The following B3GAT1 variants were observed in gnomAD, a reference collection of about 807,000 sequenced individuals.
B3GAT1 encodes galactosylgalactosylxylosylprotein 3-beta-glucuronosyltransferase 1.
B3GAT1 carries 11 observed loss-of-function variants against 28.4 expected under a neutral mutation model. The observed-to-expected ratio is 0.39, with a 90% CI of 0.24 to 0.64. The LOEUF (loss-of-function observed/expected upper bound fraction) is 0.64. Ranked by LOEUF, B3GAT1 falls within the 30% of genes least tolerant of loss-of-function variation. B3GAT1 has a pLI of 0.50. For missense variants in B3GAT1, 375 were observed against 491.0 expected (o/e 0.76, Z 2.23); for synonymous variants, 255 against 223.1 (o/e 1.14, Z -1.27).
At chr11:134,381,802 C>A (rs1944129957) in intron 5 of B3GAT1, 122 bp downstream of exon 5, 7 of 773,150 alleles carry the variant, frequency 9.1e-6, no homozygotes. Context: ...GCCCTCCACT[C>A]CTGCCCACAT....
In B3GAT1 at chr11:134,387,677, C is replaced by T. The variant is rs1363101098; in HGVS notation, c.-18G>A. Reference sequence around the variant, plus strand: ...TTCGGCATCTCCAAGGCTGGCTGCACCCACGGCTCCTCATTACCTGAGTGG... The same window carrying T: ...TTCGGCATCTCCAAGGCTGGCTGCATCCACGGCTCCTCATTACCTGAGTGG... On this transcript the variant is annotated 5_prime_UTR_variant, in exon 2 of 6. The change creates a new upstream start codon in the 5' untranslated region. Coordinates refer to ENST00000312527, the MANE Select transcript of B3GAT1 (RefSeq NM_054025.3). The T allele has an allele frequency of 6.2e-7, 1 of 1,613,606 alleles. No individual in the cohort carries two copies. The highest frequency in any genetic ancestry group is 8.5e-7 in the Non-Finnish European group (1 of 1,179,932).
chr11:134,381,646 G>A (rs550486770), intron 5 of B3GAT1: 29 of 409,472 alleles, frequency 7.1e-5, no homozygotes, highest in South Asian at 5.2e-4. Context: ...GGGTGCAGGC[G>A]TCACTGCCAG....
intron 2 of B3GAT1, chr11:134,385,667 T>C (rs1220316752): frequency 1.3e-5 from 2 of 152,250 alleles, no homozygotes; most frequent in Non-Finnish European, 1.5e-5. Flanking sequence ...TTTGTCCACC[T>C]CTCTGCCACC....
At chr11:134,401,193 A>G (rs551759163) in intron 1 of B3GAT1, among the ~76,000 whole-genome samples, 3 of 152,342 alleles carry the variant, frequency 2.0e-5, no homozygotes, top group Admixed American at 6.5e-5. Flanking sequence ...AGGTTTTCAA[A>G]GAACTTAAAA....
intron 1 of B3GAT1, among the ~76,000 whole-genome samples, chr11:134,410,939 T>C (rs1168241158): frequency 6.6e-6 from 1 of 152,238 alleles, no homozygotes; most frequent in Non-Finnish European, 1.5e-5. Flanking sequence ...GTCCCCTTCC[T>C]GTATGTCCAG....
chr11:134,405,872 T>C (rs1944721854), intron 1 of B3GAT1, among the ~76,000 whole-genome samples: 1 of 152,212 alleles, frequency 6.6e-6, no homozygotes. Context: ...TGGCTACCAA[T>C]GGCCAGCTCC....
In B3GAT1 at chr11:134,387,795, A is replaced by G. The variant is rs541051745; in HGVS notation, c.-136T>C. On this transcript the variant is annotated 5_prime_UTR_variant, in exon 2 of 6. Transcript: ENST00000312527. ...CGGGCCGGCCAGGCATGGAGAGGAC[A>G]GAGCAGCTGAATGTTGGCTAGCAGG... The G allele has an allele frequency of 6.5e-7, 1 of 1,538,708 alleles. No individual in the cohort carries two copies. Among genetic ancestry groups the G allele is most frequent in the African/African-American group, 1.4e-5 (1 of 73,180 alleles).
intron 1 of B3GAT1, among the ~76,000 whole-genome samples, chr11:134,396,147 G>A (rs1023776890): frequency 6.6e-6 from 1 of 152,234 alleles, no homozygotes; most frequent in Non-Finnish European, 1.5e-5. Flanking sequence ...TCCTGGGAGT[G>A]ATGGCCCAAT....
At chr11:134,381,885 C>G (rs1944132193) in intron 5 of B3GAT1, 39 bp downstream of exon 5, 1 of 1,533,752 alleles carries the variant, frequency 6.5e-7, no homozygotes, top group African/African-American at 1.4e-5. Context: ...CCTGGTGCCG[C>G]CCTGCCCAGT....
chr11:134,379,574 A>G lies in B3GAT1; in HGVS notation c.*1188T>C, dbSNP rs1177525000. On this transcript the variant is annotated 3_prime_UTR_variant, in exon 6 of 6. Transcript: ENST00000312527. Reference sequence around the variant, plus strand: ...CTGCATGCTCCTGACTTAGGGAGAAATAACATTTTCTTTCCCTTTTTTGTG... The same window carrying G: ...CTGCATGCTCCTGACTTAGGGAGAAGTAACATTTTCTTTCCCTTTTTTGTG... 1 of 152,334 alleles carries G rather than the reference A, an allele frequency of 6.6e-6. No homozygotes were observed. The highest frequency in any genetic ancestry group is 1.5e-5 in the Non-Finnish European group (1 of 68,070). The allele number at this position is 152,334 out of a possible 1,614,324, so 9.4% of individuals were successfully genotyped here. A position where few individuals can be genotyped will look rare whatever the true frequency, so the allele number is the denominator to read the frequency against.
chr11:134,411,521 T>C lies in B3GAT1; in HGVS notation c.-282+286A>G, dbSNP rs1196552381. The stretch of plus-strand genomic sequence containing the variant: ...ACGACTGAGAGCCCGGGCCGATTGT[T>C]AGAAGCTGCTGAGAACCAGCTCTTC... On this transcript the variant is annotated intron_variant, in intron 1 of 5. Coordinates refer to ENST00000312527, the MANE Select transcript of B3GAT1 (RefSeq NM_054025.3). The surrounding 1 kb of genome is among the most constrained non-coding windows in gnomAD (Gnocchi z 6.0). 2.6e-5 allele frequency among the ~76,000 whole-genome samples: 4 copies of C among 152,148 alleles called. No individual in the cohort carries two copies. Among genetic ancestry groups the C allele is most frequent in the Admixed American group, 1.3e-4 (2 of 15,304 alleles).
intron 1 of B3GAT1, among the ~76,000 whole-genome samples, chr11:134,398,645 C>G: frequency 6.6e-6 from 1 of 150,896 alleles, no homozygotes. Flanking sequence ...TCCCCTTGCA[C>G]TCCTCTGGGC....
At chr11:134,409,250 A>G (rs908084482) in intron 1 of B3GAT1, among the ~76,000 whole-genome samples, 3 of 152,132 alleles carry the variant, frequency 2.0e-5, no homozygotes, top group Admixed American at 2.0e-4. Context: ...GCCTGTCCCC[A>G]CTGCACTTCT....
rs148354644 is a variant in B3GAT1, at chr11:134,396,241, G to A, written c.-281-8301C>T. ...AGGACTGCACGAAGGCATGAGCACC[G>A]GGGGGTGGGGCTTCCAAGGATACCT... On this transcript the variant is annotated intron_variant, in intron 1 of 5. Coordinates refer to ENST00000312527, the MANE Select transcript of B3GAT1 (RefSeq NM_054025.3). Among the ~76,000 whole-genome samples the A allele has an allele frequency of 4.6e-5, 7 of 152,254 alleles. No individual in the cohort carries two copies. The East Asian group carries it at 9.6e-4, about 21-fold the overall frequency.
At chr11:134,396,343 C>T (rs1944504976) in intron 1 of B3GAT1, among the ~76,000 whole-genome samples, 1 of 152,204 alleles carries the variant, frequency 6.6e-6, no homozygotes, top group African/African-American at 2.4e-5. Flanking sequence ...AGTCCCATAG[C>T]TACTGAGGGT....
At chr11:134,385,289 A>C (rs907394962) in intron 2 of B3GAT1, 2 of 152,182 alleles carry the variant, frequency 1.3e-5, no homozygotes, top group Admixed American at 6.5e-5. Context: ...AAAGGGGAGG[A>C]CCCCGGGCAT....
rs1482342198 is a variant in B3GAT1, at chr11:134,408,201, G to A, written c.-282+3606C>T. On this transcript the variant is annotated intron_variant, in intron 1 of 5. Coordinates refer to ENST00000312527, the MANE Select transcript of B3GAT1 (RefSeq NM_054025.3). ...GACAGCCTGCACCGATTCCAGTGGG[G>A]TGAGGAGGGAGGTGGGACAGCCTGC... Among the ~76,000 whole-genome samples the A allele has an allele frequency of 8.0e-5, 12 of 150,526 alleles. No individual in the cohort carries two copies. The South Asian group carries it at 1.1e-3, about 13-fold the overall frequency.
chr11:134,396,067 C>T (rs911820415), intron 1 of B3GAT1, among the ~76,000 whole-genome samples: 2 of 152,276 alleles, frequency 1.3e-5, no homozygotes, highest in South Asian at 2.1e-4. Context: ...CCACTTACTT[C>T]GTCAATCCAG....
chr11:134,381,195 G>A (rs1039411804), intron 5 of B3GAT1, among the ~76,000 whole-genome samples: 1 of 152,226 alleles, frequency 6.6e-6, no homozygotes, highest in Non-Finnish European at 1.5e-5. Flanking sequence ...ATTCACTCGT[G>A]CCAGTGTGTC....
Sources: allele counts gnomAD v4.1 joint callset (sites outside exome capture counted in the v4.1 genomes callset), GRCh38; gene constraint gnomAD v4.1.1; non-coding constraint Gnocchi (gnomAD v3.1); transcripts MANE v1.5; gene names NCBI Gene and HGNC (gene_info 2026-07-23, HGNC 2026-07-21).